The following LDLRAD3 variants were observed in gnomAD, a reference collection of about 807,000 sequenced individuals.
The protein encoded by LDLRAD3 is low-density lipoprotein receptor class A domain-containing protein 3.
In LDLRAD3, 20 loss-of-function variants were observed where a neutral mutation model predicts 29.4. That is an observed-to-expected ratio of 0.68 (90% CI 0.48 to 0.99). The LOEUF (loss-of-function observed/expected upper bound fraction) is 0.99. LDLRAD3 is among the 50% of genes least tolerant of loss of function. LDLRAD3 has a pLI of 0.00. For synonymous variants in LDLRAD3, 157 were observed against 192.7 expected, an observed-to-expected ratio of 0.81 and a Z score of 1.53; for missense variants, 420 against 454.3, an observed-to-expected ratio of 0.92 and a Z score of 0.69.
chr11:36,052,609 C>G (rs1301715350), intron 2 of LDLRAD3, among the ~76,000 whole-genome samples: 1 of 152,138 alleles, frequency 6.6e-6, no homozygotes, highest in African/African-American at 2.4e-5. Context: ...TGTCCTAGTT[C>G]CTTTGCATAC....
chr11:36,095,318 C>T (rs1015807923), intron 3 of LDLRAD3, among the ~76,000 whole-genome samples: 1 of 152,240 alleles, frequency 6.6e-6, no homozygotes, highest in Non-Finnish European at 1.5e-5. Context: ...TGCACCCCCA[C>T]TTGTAACTTA....
intron 4 of LDLRAD3, among the ~76,000 whole-genome samples, chr11:36,211,233 TTATC>T (rs202234733): frequency 0.021 from 3,167 of 152,234 alleles, 42 homozygotes; most frequent in Middle Eastern, 0.072. Flanking sequence ...CAATAAAACT[TTATC>T]TATGAAAGCA....
At chr11:36,085,606 T>C (rs1233602527) in intron 3 of LDLRAD3, among the ~76,000 whole-genome samples, 1 of 152,082 alleles carries the variant, frequency 6.6e-6, no homozygotes, top group African/African-American at 2.4e-5. Context: ...CTGTGAGTTT[T>C]TATTTTTTTA....
intron 4 of LDLRAD3, among the ~76,000 whole-genome samples, chr11:36,160,285 G>A (rs961096952): frequency 1.3e-5 from 2 of 152,176 alleles, no homozygotes; most frequent in Non-Finnish European, 2.9e-5. Flanking sequence ...CCAGCCTCGA[G>A]GGACGTGGCC....
rs922323572 is a variant in LDLRAD3 at position 36,191,353 on chromosome 11, C to G, written c.455-35732C>G. ...AGGAATACAAGACCAGCCTGAACAACATACTGAGACCCCATATCTACAGAA... is the reference window on the plus strand; with the variant it reads ...AGGAATACAAGACCAGCCTGAACAAGATACTGAGACCCCATATCTACAGAA... On this transcript the variant is annotated intron_variant, in intron 4 of 5. Coordinates refer to ENST00000315571, the MANE Select transcript of LDLRAD3 (RefSeq NM_174902.4). Among the ~76,000 whole-genome samples the G allele has an allele frequency of 9.9e-5, 15 of 152,014 alleles. No homozygotes were observed. The South Asian group carries it at 1.0e-3, about 11-fold the overall frequency.
chr11:35,992,040 C>G (rs1407416153), intron 1 of LDLRAD3, among the ~76,000 whole-genome samples: 4 of 152,120 alleles, frequency 2.6e-5, no homozygotes. Context: ...TTATTCATCA[C>G]TGAATTCTCC....
At chr11:35,998,836 CTT>C (rs1215386752) in intron 1 of LDLRAD3, among the ~76,000 whole-genome samples, 1 of 152,216 alleles carries the variant, frequency 6.6e-6, no homozygotes, top group East Asian at 1.9e-4. Context: ...TTAACTGACA[CTT>C]AGCGTCTTTA....
chr11:35,981,484 A>G (rs1312976000), intron 1 of LDLRAD3, among the ~76,000 whole-genome samples: 1 of 152,200 alleles, frequency 6.6e-6, no homozygotes, highest in Non-Finnish European at 1.5e-5. Context: ...AGTATTAAGA[A>G]CAGAAAAATA....
At chr11:35,972,146 C>T (rs57522551) in intron 1 of LDLRAD3, among the ~76,000 whole-genome samples, 3,804 of 151,734 alleles carry the variant, frequency 0.025, 132 homozygotes, top group East Asian at 0.16. Flanking sequence ...GAGGAGGAGA[C>T]GAAAACTTGT....
At chr11:36,202,832 C>T (rs536226006) in intron 4 of LDLRAD3, among the ~76,000 whole-genome samples, 5 of 152,256 alleles carry the variant, frequency 3.3e-5, no homozygotes, top group South Asian at 2.1e-4. Flanking sequence ...AAGAAGGACA[C>T]GGCAGAGGGG....
intron 1 of LDLRAD3, among the ~76,000 whole-genome samples, chr11:36,024,927 C>T (rs1189208090): frequency 6.6e-6 from 1 of 152,204 alleles, no homozygotes; most frequent in African/African-American, 2.4e-5. Flanking sequence ...CTGGCTAGGC[C>T]TTGCTATTTC....
At chr11:35,958,792 G>A (rs1378113969) in intron 1 of LDLRAD3, among the ~76,000 whole-genome samples, 5 of 152,164 alleles carry the variant, frequency 3.3e-5, no homozygotes, top group Non-Finnish European at 7.3e-5. Context: ...CATTGAGATC[G>A]ATGGGAGAGT....
chr11:36,051,992 G>A (rs926782315), intron 2 of LDLRAD3, among the ~76,000 whole-genome samples: 6 of 152,174 alleles, frequency 3.9e-5, no homozygotes, highest in African/African-American at 1.4e-4. Flanking sequence ...AAACAGAGTG[G>A]AGCCCAGGAA....
At chr11:36,126,255 C>T (rs1001375676) in intron 4 of LDLRAD3, among the ~76,000 whole-genome samples, 1 of 152,180 alleles carries the variant, frequency 6.6e-6, no homozygotes, top group African/African-American at 2.4e-5. Flanking sequence ...GCTGGCCTCT[C>T]AAGGGCACTG....
chr11:36,105,718 C>G (rs937641724), intron 4 of LDLRAD3, among the ~76,000 whole-genome samples: 1 of 152,124 alleles, frequency 6.6e-6, no homozygotes. Flanking sequence ...GAGAGAGGCT[C>G]GGAACAGATT....
intron 4 of LDLRAD3, among the ~76,000 whole-genome samples, chr11:36,150,784 GGAAAGAAA>G (rs55925459): frequency 6.6e-6 from 1 of 151,350 alleles, no homozygotes; most frequent in Non-Finnish European, 1.5e-5. Flanking sequence ...AAATTAAAAA[GGAAAGAAA>G]GAAAGAAAGA....
chr11:36,048,233 G>A (rs1005819792), intron 2 of LDLRAD3, among the ~76,000 whole-genome samples: 4 of 152,280 alleles, frequency 2.6e-5, no homozygotes, highest in Non-Finnish European at 5.9e-5. Flanking sequence ...CAGCACATTA[G>A]TCAAAATTAG....
At chr11:35,985,700 A>C (rs956460916) in intron 1 of LDLRAD3, among the ~76,000 whole-genome samples, 2 of 152,140 alleles carry the variant, frequency 1.3e-5, no homozygotes, top group African/African-American at 4.8e-5. Context: ...AAGTCTCACA[A>C]GATCTGATGG....
At chr11:36,092,841 G>A (rs949009922) in intron 3 of LDLRAD3, among the ~76,000 whole-genome samples, 3 of 152,190 alleles carry the variant, frequency 2.0e-5, no homozygotes, top group Non-Finnish European at 4.4e-5. Context: ...CACTTTCAAG[G>A]CATGAACATT....
Sources: allele counts gnomAD v4.1 joint callset (sites outside exome capture counted in the v4.1 genomes callset), GRCh38; gene constraint gnomAD v4.1.1; transcripts MANE v1.5; gene names NCBI Gene and HGNC (gene_info 2026-07-23, HGNC 2026-07-21).